Variants in ZNF483 observed in about 807,000 individuals in gnomAD.
The protein encoded by ZNF483 is zinc finger protein 483, also known as zinc finger protein HIT-10.
A neutral mutation model predicts 28.6 loss-of-function variants in ZNF483; 9 were observed. That is an observed-to-expected ratio of 0.32 (90% CI 0.19 to 0.55). The LOEUF (loss-of-function observed/expected upper bound fraction) is 0.55. Ranked by LOEUF, ZNF483 falls within the 20% of genes least tolerant of loss-of-function variation. The pLI is 0.93. For synonymous variants in ZNF483, 322 were observed against 306.2 expected, an observed-to-expected ratio of 1.05 and a Z score of -0.54; for missense variants, 675 against 871.7, an observed-to-expected ratio of 0.77 and a Z score of 2.84.
In ZNF483 at chr9:111,552,963, A is replaced by G. The variant is rs190903294; in HGVS notation, c.*9793A>G. Reference sequence around the variant, plus strand: ...TGATAATTTCTTCATCTCTCCATCTAAGGTTCTTTGTAGATGCATGTGTAA... The same window carrying G: ...TGATAATTTCTTCATCTCTCCATCTGAGGTTCTTTGTAGATGCATGTGTAA... On this transcript the variant is annotated 3_prime_UTR_variant, in exon 6 of 6. Transcript: ENST00000309235. Among the ~76,000 whole-genome samples, 39 of 152,300 alleles carry G rather than the reference A, an allele frequency of 2.6e-4. No individual in the cohort carries two copies. In the East Asian group the frequency reaches 6.4e-3, roughly 25 times the overall value.
At chr9:111,529,199 C>A (rs1827257371) in intron 2 of ZNF483, among the ~76,000 whole-genome samples, 1 of 151,910 alleles carries the variant, frequency 6.6e-6, no homozygotes, top group African/African-American at 2.4e-5. Context: ...AAATTCACCC[C>A]ACTTTTCTCT....
Position 111,527,390 on chromosome 9 carries a change from GAC to G in ZNF483, c.-2_-1del, listed in dbSNP as rs1564589231. On this transcript the variant is annotated 5_prime_UTR_variant, in exon 2 of 6. Transcript: ENST00000309235. ...GAAGGGACTGGATTCCTGCCCCTGA[GAC>G]ACAATGCAAGCTGTAGTGCCCTTGA... The G allele has an allele frequency of 1.9e-6, 3 of 1,611,430 alleles. No individual in the cohort carries two copies. Among genetic ancestry groups the G allele is most frequent in the Admixed American group, 3.3e-5 (2 of 59,884 alleles).
chr9:111,539,980 G>GA (rs777188561), intron 5 of ZNF483, among the ~76,000 whole-genome samples: 2 of 151,842 alleles, frequency 1.3e-5, no homozygotes, highest in Non-Finnish European at 2.9e-5. Context: ...TAATTTTTTA[G>GA]AATTAGCCAG....
intron 5 of ZNF483, chr9:111,564,126 T>C (rs1481026444): frequency 2.5e-6 from 1 of 399,112 alleles, no homozygotes; most frequent in Non-Finnish European, 3.6e-6. Flanking sequence ...TCAGATTTTT[T>C]TAAGGGGTCT....
downstream of ZNF483, among the ~76,000 whole-genome samples, chr9:111,558,789 C>G (rs113718455): frequency 6.6e-6 from 1 of 152,200 alleles, no homozygotes; most frequent in African/African-American, 2.4e-5. Flanking sequence ...CATTGAAATT[C>G]ATGAGTTCAT....
At position 111,553,411 on chromosome 9, in the gene ZNF483, TTAAG is replaced by T. The variant is rs1299923448; in HGVS notation, c.*10244_*10247del. On this transcript the variant is annotated 3_prime_UTR_variant, in exon 6 of 6. Coordinates refer to ENST00000309235, the MANE Select transcript of ZNF483 (RefSeq NM_133464.5). ...CTAGAAAATAATTATAATGAAAATA[TTAAG>T]TATCTCATTTTAGGATTCTGATTTA... Among the ~76,000 whole-genome samples, 1 of 152,214 alleles carries T rather than the reference TTAAG, an allele frequency of 6.6e-6. No individual in the cohort carries two copies.
At position 111,540,056 on chromosome 9, in the gene ZNF483, G is replaced by A. The variant is rs182138107; in HGVS notation, c.722-1601G>A. Among the ~76,000 whole-genome samples, 96 of 152,144 alleles carry A rather than the reference G, an allele frequency of 6.3e-4. 1 individual carries two copies. The East Asian group carries it at 0.018, about 29-fold the overall frequency. ...CTGAGGTGGGAGGATTGCTTGAGCT[G>A]GGGAGGTTGAGGCTGCAGTGAGCTG... On this transcript the variant is annotated intron_variant, in intron 5 of 5. Coordinates refer to ENST00000309235, the MANE Select transcript of ZNF483 (RefSeq NM_133464.5).
chr9:111,549,618 G>T lies in ZNF483; in HGVS notation c.*6448G>T. ...ACAAGCTTTGCTAAACCTACCTGTA[G>T]CTCTTCTGGGGCAGCGGTCGTGGTG... On this transcript the variant is annotated 3_prime_UTR_variant, in exon 6 of 6. Transcript: ENST00000309235. 1 of 966,294 alleles carries T rather than the reference G, an allele frequency of 1.0e-6. No individual in the cohort carries two copies. The highest frequency in any genetic ancestry group is 1.5e-6 in the Non-Finnish European group (1 of 646,582). 59.9% of individuals were successfully genotyped at this position (966,294 alleles called of 1,614,324 possible). A position where few individuals can be genotyped will look rare whatever the true frequency, so the allele number is the denominator to read the frequency against.
Position 111,550,933 on chromosome 9 carries a change from T to G in ZNF483, c.*7763T>G, listed in dbSNP as rs1441107229. On this transcript the variant is annotated 3_prime_UTR_variant, in exon 6 of 6. Coordinates refer to ENST00000309235, the MANE Select transcript of ZNF483 (RefSeq NM_133464.5). ...GTTGTTTTCACCTGTTTTCTGTCTC[T>G]CACACTGGAGGCTTTCCTGAAGCCT... Among the ~76,000 whole-genome samples the G allele has an allele frequency of 1.3e-5, 2 of 152,204 alleles. No individual in the cohort carries two copies. Among genetic ancestry groups the G allele is most frequent in the African/African-American group, 4.8e-5 (2 of 41,448 alleles).
downstream of ZNF483, among the ~76,000 whole-genome samples, chr9:111,578,119 A>C (rs117169704): frequency 0.021 from 3,145 of 152,266 alleles, 34 homozygotes; most frequent in South Asian, 0.034. Context: ...TATCTCAATA[A>C]AGCTGTTTTT....
At position 111,543,748 on chromosome 9, in the gene ZNF483, G is replaced by C; in HGVS notation, c.*578G>C. 1.0e-6 allele frequency: 1 copy of C among 955,668 alleles called. No homozygotes were observed. Among genetic ancestry groups the C allele is most frequent in the South Asian group, 4.8e-5 (1 of 20,688 alleles). 59.2% of individuals were successfully genotyped at this position (955,668 alleles called of 1,614,324 possible). A position where few individuals can be genotyped will look rare whatever the true frequency, so the allele number is the denominator to read the frequency against. On this transcript the variant is annotated 3_prime_UTR_variant, in exon 6 of 6. Transcript: ENST00000309235. ...TAAAAAATACAATACCACTATTCAG[G>C]ATGCTGGACTTCTTTTCTTTTTTTT...
chr9:111,527,886 T>A lies in ZNF483; in HGVS notation c.412+79T>A, dbSNP rs902948973. 3 of 1,609,020 alleles carry A rather than the reference T, an allele frequency of 1.9e-6. No individual in the cohort carries two copies. The African/African-American group carries it at 4.0e-5, about 22-fold the overall frequency. On this transcript the variant is annotated intron_variant, in intron 2 of 5. Transcript: ENST00000309235. ...AGTAAATTCCTCAAAAGAAGGCAAT[T>A]TACTGCTAAAGAGGAGTCTGAGGTT... is the stretch of plus-strand genomic sequence containing the variant.
At chr9:111,528,130 T>A in intron 2 of ZNF483, 1 of 1,093,978 alleles carries the variant, frequency 9.1e-7, no homozygotes, top group Non-Finnish European at 1.3e-6. Flanking sequence ...ACAAGTTATC[T>A]GTGAAAGTGT....
chr9:111,560,825 C>T (rs1156337816), intron 5 of ZNF483, among the ~76,000 whole-genome samples: 1 of 148,788 alleles, frequency 6.7e-6, no homozygotes, highest in Non-Finnish European at 1.5e-5. Flanking sequence ...TGCCTGTAAT[C>T]CCAGCTACTC....
At chr9:111,577,799 C>G (rs1829124777) in exon 6 of ZNF483, 1 of 152,208 alleles carries the variant, frequency 6.6e-6, no homozygotes, top group Non-Finnish European at 1.5e-5. Context: ...GAGCCACGAT[C>G]ACACCACTGC....
intron 5 of ZNF483, among the ~76,000 whole-genome samples, chr9:111,540,194 AAG>A (rs1469807649): frequency 4.6e-5 from 7 of 152,292 alleles, no homozygotes; most frequent in Admixed American, 1.3e-4. Flanking sequence ...ATAATCATAA[AAG>A]AGTAACAATA....
Position 111,553,284 on chromosome 9 carries a change from C to T in ZNF483, c.*10114C>T, listed in dbSNP as rs1828025196. Among the ~76,000 whole-genome samples, 1 of 152,188 alleles carries T rather than the reference C, an allele frequency of 6.6e-6. No homozygotes were observed. Among genetic ancestry groups the T allele is most frequent in the South Asian group, 2.1e-4 (1 of 4,830 alleles). ...TGTGCACTATACTGTCTCTAGTCTTCTTGACTATGCCAGTTGTAGTACCAG... is the reference window on the plus strand; with the variant it reads ...TGTGCACTATACTGTCTCTAGTCTTTTTGACTATGCCAGTTGTAGTACCAG... On this transcript the variant is annotated 3_prime_UTR_variant, in exon 6 of 6. Transcript: ENST00000309235.
At chr9:111,571,194 T>C (rs1185219197) in intron 5 of ZNF483, among the ~76,000 whole-genome samples, 1 of 149,590 alleles carries the variant, frequency 6.7e-6, no homozygotes, top group Non-Finnish European at 1.5e-5. Context: ...GGCAGATCAC[T>C]TGAAGTCAGG....
chr9:111,561,263 TTTG>T (rs935800681), intron 5 of ZNF483, among the ~76,000 whole-genome samples: 43 of 151,246 alleles, frequency 2.8e-4, no homozygotes, highest in African/African-American at 1.0e-3. Context: ...TAATGTTGCT[TTTG>T]TTGTTGTTTT....
Sources: allele counts gnomAD v4.1 joint callset (sites outside exome capture counted in the v4.1 genomes callset), GRCh38; gene constraint gnomAD v4.1.1; transcripts MANE v1.5; gene names NCBI Gene and HGNC (gene_info 2026-07-23, HGNC 2026-07-21).